CRTC3: variants seen among roughly 807,000 people sequenced by gnomAD.
The protein encoded by CRTC3 is CREB-regulated transcription coactivator 3.
CRTC3 carries 26 observed loss-of-function variants against 74.5 expected under a neutral mutation model. The observed-to-expected ratio is 0.35, with a 90% confidence interval of 0.26 to 0.48. The LOEUF is 0.48. CRTC3 is among the 20% of genes least tolerant of loss of function. The pLI is 0.99. For missense variants in CRTC3, 760 were observed against 787.3 expected (o/e 0.97, Z 0.41); for synonymous variants, 377 against 325.8 (o/e 1.16, Z -1.69).
At chr15:90,610,372 GT>G in intron 6 of CRTC3, among the ~76,000 whole-genome samples, 1 of 152,230 alleles carries the variant, frequency 6.6e-6, no homozygotes, top group East Asian at 1.9e-4. Flanking sequence ...ACACTTTTTT[GT>G]TATTGTTGTT....
rs79585842 is a variant in CRTC3 at position 90,570,454 on chromosome 15, T to C, written c.232-23182T>C. On this transcript the variant is annotated intron_variant, in intron 2 of 14. Transcript: ENST00000268184. ...TTATGTGGGCATCAGTATGAGCCCTTACTCTTGACTCCACCACTGTTAGGG... is the reference window on the plus strand; with the variant it reads ...TTATGTGGGCATCAGTATGAGCCCTCACTCTTGACTCCACCACTGTTAGGG... Among the ~76,000 whole-genome samples, 1,386 of 152,326 alleles carry C rather than the reference T, an allele frequency of 9.1e-3. 20 individuals are homozygous for C. Among genetic ancestry groups the C allele is most frequent in the African/African-American group, 0.032 (1,326 of 41,566 alleles).
intron 5 of CRTC3, 30 bp downstream of exon 5, chr15:90,604,477 A>C: frequency 6.5e-7 from 1 of 1,531,578 alleles, no homozygotes. Context: ...GTAGGAGTAG[A>C]TTTTAAAGCA....
At chr15:90,606,345 C>G (rs915213279) in intron 5 of CRTC3, among the ~76,000 whole-genome samples, 1 of 149,424 alleles carries the variant, frequency 6.7e-6, no homozygotes, top group Non-Finnish European at 1.5e-5. Context: ...GTGGATCACC[C>G]GAGGTCGGGA....
chr15:90,603,626 G>T (rs1968142254), intron 4 of CRTC3, among the ~76,000 whole-genome samples: 2 of 152,210 alleles, frequency 1.3e-5, no homozygotes, highest in African/African-American at 4.8e-5. Context: ...AGCCCCTGCT[G>T]CATCTGTTGT....
chr15:90,614,504 A>G lies in CRTC3; in HGVS notation c.613+16A>G, dbSNP rs1287604489. ...CATGGGGAAGGTATGAACTGATTTT[A>G]CCTACCTATATTGGAGTGGGATGCT... On this transcript the variant is annotated intron_variant, in intron 7 of 14. Transcript: ENST00000268184. The G allele has an allele frequency of 3.2e-6, 5 of 1,564,176 alleles. No individual in the cohort carries two copies. Among genetic ancestry groups the G allele is most frequent in the Non-Finnish European group, 4.4e-6 (5 of 1,134,962 alleles).
chr15:90,629,153 G>A, intron 10 of CRTC3, 81 bp from the exon 11 acceptor site: 2 of 1,337,486 alleles, frequency 1.5e-6, no homozygotes, highest in Non-Finnish European at 2.1e-6. Context: ...GCATGTGACA[G>A]TAGACAGTTT....
chr15:90,565,131 A>G (rs1301940180), intron 2 of CRTC3, among the ~76,000 whole-genome samples: 3 of 152,162 alleles, frequency 2.0e-5, no homozygotes, highest in Non-Finnish European at 4.4e-5. Flanking sequence ...AGTTTTTAGT[A>G]GAGACGGGGT....
chr15:90,593,626 C>G lies in CRTC3; in HGVS notation c.232-10C>G. 6.3e-7 allele frequency: 1 copy of G among 1,599,360 alleles called. No individual in the cohort carries two copies. The highest frequency in any genetic ancestry group is 1.1e-5 in the South Asian group (1 of 90,394). ...GTTGGAGGCCAACTCTTCTTCCCTT[C>G]TCTCTGCAGCCGTCATTTCACCAAG... On this transcript the variant is annotated splice_polypyrimidine_tract_variant and intron_variant, in intron 2 of 14. Coordinates refer to ENST00000268184, the MANE Select transcript of CRTC3 (RefSeq NM_022769.5).
At chr15:90,625,677 C>T in intron 9 of CRTC3, 99 bp from the exon 10 acceptor site, 2 of 1,076,202 alleles carry the variant, frequency 1.9e-6, no homozygotes, top group Non-Finnish European at 2.8e-6. Context: ...TCTTTTGTAG[C>T]CACTGCTCTT....
intron 2 of CRTC3, among the ~76,000 whole-genome samples, chr15:90,546,700 G>C (rs1204433061): frequency 6.6e-6 from 1 of 152,184 alleles, no homozygotes; most frequent in Non-Finnish European, 1.5e-5. Context: ...TCCACTCACT[G>C]CAAGCTCTGC....
intron 2 of CRTC3, among the ~76,000 whole-genome samples, chr15:90,581,735 C>T (rs1967545920): frequency 6.6e-6 from 1 of 152,192 alleles, no homozygotes; most frequent in South Asian, 2.1e-4. Context: ...TCTGTCCCCT[C>T]CCCTTTGTTT....
rs1485982960 is a variant in CRTC3, at chr15:90,626,005, C to T, written c.967+12C>T. On this transcript the variant is annotated intron_variant, in intron 10 of 14. Coordinates refer to ENST00000268184, the MANE Select transcript of CRTC3 (RefSeq NM_022769.5). Reference sequence around the variant, plus strand: ...AAGAAGCTCCTCTGGTGAGTATCTCCTGCTTAGCAGTGACCTGGTGGCTTA... The same window carrying T: ...AAGAAGCTCCTCTGGTGAGTATCTCTTGCTTAGCAGTGACCTGGTGGCTTA... The T allele has an allele frequency of 1.7e-5, 28 of 1,607,488 alleles. No homozygotes were observed. The highest frequency in any genetic ancestry group is 2.3e-5 in the Non-Finnish European group (27 of 1,173,914).
intron 2 of CRTC3, among the ~76,000 whole-genome samples, chr15:90,575,751 T>G (rs1303876470): frequency 6.6e-6 from 1 of 152,244 alleles, no homozygotes; most frequent in Non-Finnish European, 1.5e-5. Flanking sequence ...CCTGGTAAGA[T>G]TAATTCACTT....
At chr15:90,568,476 G>C (rs7165376) in intron 2 of CRTC3, among the ~76,000 whole-genome samples, 9,148 of 151,946 alleles carry the variant, frequency 0.06, 382 homozygotes, top group Middle Eastern at 0.12. Flanking sequence ...TCAGCCTCCC[G>C]AGTAGCTAGG....
In CRTC3 at chr15:90,614,901, T is replaced by G. The variant is rs1296865529; in HGVS notation, c.613+413T>G. On this transcript the variant is annotated intron_variant, in intron 7 of 14. Transcript: ENST00000268184. ...CAACATGGTGAAACCCCGTCTCTAC[T>G]AAAAATACAAAAATTAGCCGGGCGT... Among the ~76,000 whole-genome samples, 4 of 151,922 alleles carry G rather than the reference T, an allele frequency of 2.6e-5. 1 individual carries two copies. The East Asian group carries it at 5.8e-4, about 22-fold the overall frequency.
chr15:90,640,638 C>T (rs929742026), intron 13 of CRTC3, among the ~76,000 whole-genome samples: 9 of 151,516 alleles, frequency 5.9e-5, no homozygotes, highest in Admixed American at 3.3e-4. Context: ...GCCGAGATGG[C>T]GCCATTGCAC....
rs763741461 is a variant in CRTC3 at position 90,540,079 on chromosome 15, A to G, written c.173A>G (p.Tyr58Cys). 2.5e-6 allele frequency: 4 copies of G among 1,613,570 alleles called. No homozygotes were observed. The African/African-American group carries it at 5.3e-5, about 22-fold the overall frequency. The change falls in exon 2 of 15, where the codon TAC (tyrosine) becomes TGC (cysteine). Residue 58 changes from tyrosine (Y) to cysteine (C), a missense_variant. Tyr to Cys is a radical substitution (Grantham distance 194). Transcript: ENST00000268184. ...CTTCAGCAACTGCGCCTTACACAGTACCATGGAGGATCCTTACCAAATGTG... is the reference window on the plus strand; with the variant it reads ...CTTCAGCAACTGCGCCTTACACAGTGCCATGGAGGATCCTTACCAAATGTG... ...QKLQQLRLTQ[Y>C]HGGSLPNVSQ...
intron 2 of CRTC3, among the ~76,000 whole-genome samples, chr15:90,555,540 T>C (rs1257798156): frequency 6.6e-6 from 1 of 152,120 alleles, no homozygotes; most frequent in Admixed American, 6.6e-5. Context: ...ATTTTTGAGA[T>C]GGAGTCTTGC....
intron 2 of CRTC3, among the ~76,000 whole-genome samples, chr15:90,593,155 AAAAC>A (rs1034079780): frequency 3.9e-5 from 6 of 152,198 alleles, no homozygotes; most frequent in African/African-American, 1.4e-4. Flanking sequence ...TCCATCTCAA[AAAAC>A]AAACAAACAA....
Sources: gnomAD v4.1 joint callset for allele counts (sites outside exome capture counted in the v4.1 genomes callset) on GRCh38, gnomAD v4.1.1 for gene constraint, MANE v1.5 for transcripts, NCBI Gene and HGNC (gene_info 2026-07-23, HGNC 2026-07-21) for gene names.